The following ATG7 variants were observed in gnomAD, a reference collection of about 807,000 sequenced individuals.
The protein encoded by ATG7 is autophagy related 7.
Under a neutral mutation model 82.4 loss-of-function variants are expected in ATG7, and 70 were observed. That is an observed-to-expected ratio of 0.85 (90% CI 0.70 to 1.04). ATG7 has a LOEUF of 1.04. Ranked by LOEUF, ATG7 falls within the 50% of genes least tolerant of loss-of-function variation. The pLI is 0.00. For missense variants in ATG7, 792 were observed against 864.3 expected, an observed-to-expected ratio of 0.92 and a Z score of 1.05; for synonymous variants, 287 against 313.0, an observed-to-expected ratio of 0.92 and a Z score of 0.88.
At chr3:11,414,548 G>A (rs1317435929) in intron 19 of ATG7, among the ~76,000 whole-genome samples, 3 of 152,010 alleles carry the variant, frequency 2.0e-5, no homozygotes, top group African/African-American at 4.8e-5. Flanking sequence ...TCTTTTTCTT[G>A]TCTTATTTCA....
At chr3:11,498,521 A>C (rs924976133) in intron 20 of ATG7, among the ~76,000 whole-genome samples, 1 of 152,150 alleles carries the variant, frequency 6.6e-6, no homozygotes, top group Non-Finnish European at 1.5e-5. Context: ...CACCTCCACT[A>C]GGATTAATCT....
chr3:11,386,000 G>A (rs867884941), intron 19 of ATG7, among the ~76,000 whole-genome samples: 1 of 152,112 alleles, frequency 6.6e-6, no homozygotes. Flanking sequence ...TAAAACTCTT[G>A]CTCACCTAGC....
chr3:11,526,969 C>G (rs1240022461), intron 20 of ATG7, among the ~76,000 whole-genome samples: 1 of 149,170 alleles, frequency 6.7e-6, no homozygotes, highest in Non-Finnish European at 1.5e-5. Context: ...AATTTTTTGT[C>G]CTTTTATAAA....
At chr3:11,482,249 G>A (rs1553690086) in intron 20 of ATG7, among the ~76,000 whole-genome samples, 1 of 152,174 alleles carries the variant, frequency 6.6e-6, no homozygotes, top group Non-Finnish European at 1.5e-5. Flanking sequence ...CAGCAGCTGT[G>A]GAAACACAAC....
intron 20 of ATG7, among the ~76,000 whole-genome samples, chr3:11,518,638 C>A (rs1055906299): frequency 6.6e-6 from 1 of 151,992 alleles, no homozygotes; most frequent in Non-Finnish European, 1.5e-5. Flanking sequence ...CAGACTTTGA[C>A]CAGAACCTGA....
chr3:11,573,112 G>A, the ATG7 span, among the ~76,000 whole-genome samples: 1 of 151,802 alleles, frequency 6.6e-6, no homozygotes, highest in Non-Finnish European at 1.5e-5. Context: ...GTTGCAGTGA[G>A]CCAAGATCGA....
the ATG7 span, among the ~76,000 whole-genome samples, chr3:11,572,574 G>A: frequency 6.6e-6 from 1 of 152,136 alleles, no homozygotes; most frequent in Non-Finnish European, 1.5e-5. Flanking sequence ...CCTCTGTTTT[G>A]TATTTGGTGC....
At chr3:11,313,453 T>G in intron 8 of ATG7, 33 bp downstream of exon 8, 1 of 1,494,820 alleles carries the variant, frequency 6.7e-7, no homozygotes, top group Non-Finnish European at 9.3e-7. Context: ...CACATAAAAT[T>G]GGGTTGAATG....
chr3:11,486,373 T>C (rs1347772499), intron 20 of ATG7, among the ~76,000 whole-genome samples: 1 of 152,220 alleles, frequency 6.6e-6, no homozygotes, highest in Non-Finnish European at 1.5e-5. Context: ...CTTGTGATTT[T>C]TGCACATTGA....
At chr3:11,328,169 A>G in intron 9 of ATG7, among the ~76,000 whole-genome samples, 1 of 152,176 alleles carries the variant, frequency 6.6e-6, no homozygotes, top group East Asian at 1.9e-4. Flanking sequence ...ACCAATAATG[A>G]TATTAGTAGC....
At chr3:11,573,283 GAAAGAAAGAAAGAAAGA>G in the ATG7 span, among the ~76,000 whole-genome samples, 1 of 13,504 alleles carries the variant, frequency 7.4e-5, no homozygotes, top group East Asian at 2.0e-3. Context: ...AAGAAAGAAA[GAAAGAAAGAAAGAAAGA>G]AAGAAAGGAA....
At chr3:11,564,794 C>A in the ATG7 span, 2 of 1,545,142 alleles carry the variant, frequency 1.3e-6, 1 homozygote, top group South Asian at 2.4e-5. Flanking sequence ...GACAGAGGCC[C>A]ACCTGCTGCC....
chr3:11,340,792 A>C lies in ATG7; in HGVS notation c.980+57A>C. 12 of 1,482,462 alleles carry C rather than the reference A, an allele frequency of 8.1e-6. No individual in the cohort carries two copies. The South Asian group carries it at 1.4e-4, about 17-fold the overall frequency. The allele number at this position is 1,482,462 out of a possible 1,614,324, so 91.8% of individuals were successfully genotyped here. The stretch of plus-strand genomic sequence containing the variant: ...GCTTTTTGTAACCAAGACACACACC[A>C]AGTTCTGTCAGGCCAACACAACATT... On this transcript the variant is annotated intron_variant, in intron 12 of 20. Transcript: ENST00000693202.
In ATG7 at chr3:11,358,666, G is replaced by A. The variant is rs901284243; in HGVS notation, c.1479+54G>A. 3 of 1,561,894 alleles carry A rather than the reference G, an allele frequency of 1.9e-6. No individual in the cohort carries two copies. The East Asian group carries it at 6.8e-5, about 35-fold the overall frequency. Reference sequence around the variant, plus strand: ...GATTTAATGCACCACCACTCCAGAGGGAGGAGTGTCCCTAACCTTCCCTTC... The same window carrying A: ...GATTTAATGCACCACCACTCCAGAGAGAGGAGTGTCCCTAACCTTCCCTTC... On this transcript the variant is annotated intron_variant, in intron 15 of 20. Transcript: ENST00000693202.
At chr3:11,564,672 A>ACCTC in the ATG7 span, 5 of 1,168,744 alleles carry the variant, frequency 4.3e-6, no homozygotes, top group Non-Finnish European at 4.8e-6. Flanking sequence ...ATCCCTCACC[A>ACCTC]CCTCCCTCCC....
At chr3:11,540,859 C>A (rs1414535148) in intron 20 of ATG7, among the ~76,000 whole-genome samples, 1 of 116,496 alleles carries the variant, frequency 8.6e-6, no homozygotes, top group Non-Finnish European at 1.7e-5. Flanking sequence ...CAAAGTCTTA[C>A]TGATTTTTCT....
intron 19 of ATG7, among the ~76,000 whole-genome samples, chr3:11,406,939 C>T (rs577713583): frequency 2.6e-5 from 4 of 152,194 alleles, no homozygotes; most frequent in South Asian, 4.1e-4. Flanking sequence ...ATTCTGGCCC[C>T]GTCCCTCTCA....
chr3:11,519,177 AT>A (rs932115722), intron 20 of ATG7, among the ~76,000 whole-genome samples: 34 of 151,592 alleles, frequency 2.2e-4, no homozygotes, highest in Middle Eastern at 3.2e-3. Context: ...TTAAAAAACA[AT>A]TTTTTTTTAA....
intron 20 of ATG7, among the ~76,000 whole-genome samples, chr3:11,492,982 C>T (rs1293374817): frequency 6.6e-6 from 1 of 152,262 alleles, no homozygotes; most frequent in Non-Finnish European, 1.5e-5. Context: ...GGCCCTTTGC[C>T]TTGTCACATG....
Sources: gnomAD v4.1 joint callset for allele counts (sites outside exome capture counted in the v4.1 genomes callset) on GRCh38, gnomAD v4.1.1 for gene constraint, MANE v1.5 for transcripts, NCBI Gene and HGNC (gene_info 2026-07-23, HGNC 2026-07-21) for gene names.